Variants in SNRNP70 observed in about 807,000 individuals in gnomAD.
SNRNP70 encodes U1 small nuclear ribonucleoprotein 70 kDa.
Under a neutral mutation model 50.5 loss-of-function variants are expected in SNRNP70, and 8 were observed. The observed-to-expected ratio is 0.16, with a 90% CI of 0.09 to 0.29. SNRNP70 has a LOEUF of 0.29. Ranked by LOEUF, SNRNP70 falls within the 10% of genes least tolerant of loss-of-function variation. The pLI is 1.00. For synonymous variants in SNRNP70, 320 were observed against 252.9 expected (o/e 1.27, Z -2.52); for missense variants, 529 against 663.5 (o/e 0.80, Z 2.23).
chr19:49,102,298 C>G (rs372206904), intron 7 of SNRNP70: 1 of 545,972 alleles, frequency 1.8e-6, no homozygotes, highest in Non-Finnish European at 3.1e-6. Context: ...GTAGCCTCCC[C>G]GCACCCATGG....
chr19:49,104,722 G>A lies in SNRNP70; in HGVS notation c.564G>A (p.Arg188=), dbSNP rs1244722356. The A allele has an allele frequency of 1.9e-6, 3 of 1,548,614 alleles. No homozygotes were observed. The South Asian group carries it at 3.6e-5, about 19-fold the overall frequency. ...VERGRTVKGW[R]PRRLGGGLGG... is the part of the protein sequence containing the mutation. Reference sequence around the variant, plus strand: ...GGGGCCGAACCGTGAAGGGCTGGAGGCCCCGGCGGCTAGGTGAGCACATCC... The same window carrying A: ...GGGGCCGAACCGTGAAGGGCTGGAGACCCCGGCGGCTAGGTGAGCACATCC... Residue 188 remains arginine, a synonymous_variant, in exon 8 of 10, where the codon AGG becomes AGA. Transcript: ENST00000598441. This position sits in a 1 kb window ranked among gnomAD's most constrained non-coding sequence, Gnocchi z 5.4.
In SNRNP70 at chr19:49,108,204, C is replaced by CGGAGCG. The variant is rs2040705870; in HGVS notation, c.1076_1081dup (p.Ser360_Glu361insGlySer). ...TGACCGGGAGCGACGGCGGAGCCACCGGAGCGAGCGCGAGCGGCGCCGGGA... is the reference window on the plus strand; with the variant it reads ...TGACCGGGAGCGACGGCGGAGCCACCGGAGCGGGAGCGAGCGCGAGCGGCGCCGGGA... On this transcript the variant is annotated inframe_insertion, in exon 10 of 10. Coordinates refer to ENST00000598441, the MANE Select transcript of SNRNP70 (RefSeq NM_003089.6). 3 of 1,532,532 alleles carry CGGAGCG rather than the reference C, an allele frequency of 2.0e-6. No homozygotes were observed. The highest frequency in any genetic ancestry group is 1.8e-6 in the Non-Finnish European group (2 of 1,138,956). 94.9% of individuals were successfully genotyped at this position (1,532,532 alleles called of 1,614,324 possible).
rs533165606 is a variant in SNRNP70 at position 49,101,603 on chromosome 19, G to A, written c.475+132G>A. 9.4e-4 allele frequency: 592 copies of A among 626,626 alleles called. 5 individuals carry two copies. Among genetic ancestry groups the A allele is most frequent in the South Asian group, 9.4e-3 (522 of 55,490 alleles). 38.8% of individuals were successfully genotyped at this position (626,626 alleles called of 1,614,324 possible). A position where few individuals can be genotyped will look rare whatever the true frequency, so the allele number is the denominator to read the frequency against. On this transcript the variant is annotated intron_variant, in intron 7 of 9. Coordinates refer to ENST00000598441, the MANE Select transcript of SNRNP70 (RefSeq NM_003089.6). Reference sequence around the variant, plus strand: ...CGATGTCTCTTCTCCTCCTCCCTCTGTTTCTGATGTATCTTTTTTTTTTTT... The same window carrying A: ...CGATGTCTCTTCTCCTCCTCCCTCTATTTCTGATGTATCTTTTTTTTTTTT...
Position 49,105,382 on chromosome 19 carries a change from C to T in SNRNP70, c.577+647C>T, listed in dbSNP as rs141939309. ...AGAATCATGGGCATCCTTTGGAGTTCGGAGGTATGTGATGTCCGTGGACCT... is the reference window on the plus strand; with the variant it reads ...AGAATCATGGGCATCCTTTGGAGTTTGGAGGTATGTGATGTCCGTGGACCT... On this transcript the variant is annotated intron_variant, in intron 8 of 9. Transcript: ENST00000598441. 2.9e-3 allele frequency among the ~76,000 whole-genome samples: 442 copies of T among 152,130 alleles called. 4 individuals are homozygous for T. Among genetic ancestry groups the T allele is most frequent in the Middle Eastern group, 0.01 (3 of 294 alleles).
intron 7 of SNRNP70, chr19:49,103,409 C>T (rs1295921953): frequency 6.5e-6 from 1 of 152,678 alleles, no homozygotes; most frequent in African/African-American, 2.4e-5. Flanking sequence ...CTCCCTGTAG[C>T]TTTAGCTGAC....
chr19:49,107,122 G>A lies in SNRNP70; in HGVS notation c.578-503G>A, dbSNP rs969545380. 3.3e-5 allele frequency among the ~76,000 whole-genome samples: 5 copies of A among 152,214 alleles called. No homozygotes were observed. The highest frequency in any genetic ancestry group is 2.1e-4 in the South Asian group (1 of 4,836). ...CACAGACACTGGCAGGAAGGTGAGC[G>A]TGGGGACACTGGGAAAGGCCTGGGA... On this transcript the variant is annotated intron_variant, in intron 8 of 9. Coordinates refer to ENST00000598441, the MANE Select transcript of SNRNP70 (RefSeq NM_003089.6). The surrounding 1 kb of genome is among the most constrained non-coding windows in gnomAD (Gnocchi z 6.0).
chr19:49,101,671 CGTGT>C, intron 7 of SNRNP70, 200 bp downstream of exon 7: 3 of 566,434 alleles, frequency 5.3e-6, no homozygotes, highest in East Asian at 3.0e-5. Context: ...TCCCCCACAA[CGTGT>C]GTGTGTGTGT....
At chr19:49,098,590 G>A (rs2040542111) in intron 5 of SNRNP70, 52 bp from the exon 6 acceptor site, 3 of 1,588,894 alleles carry the variant, frequency 1.9e-6, no homozygotes, top group South Asian at 1.1e-5. Context: ...TGTTCCAGGG[G>A]CTGTGGGACA....
At chr19:49,105,967 G>A (rs1461859086) in intron 8 of SNRNP70, among the ~76,000 whole-genome samples, 2 of 152,188 alleles carry the variant, frequency 1.3e-5, no homozygotes, top group Non-Finnish European at 2.9e-5. Context: ...TGTTGCTCAG[G>A]CATGCTTATT....
At chr19:49,090,417 G>A (rs773019177) in intron 3 of SNRNP70, 49 bp from the exon 4 acceptor site, 1 of 1,612,978 alleles carries the variant, frequency 6.2e-7, no homozygotes, top group East Asian at 2.2e-5. Flanking sequence ...CTTGACACTA[G>A]GGCACTTCTA....
At chr19:49,090,590 A>G in intron 4 of SNRNP70, 70 bp downstream of exon 4, 1 of 1,456,810 alleles carries the variant, frequency 6.9e-7, no homozygotes, top group Non-Finnish European at 9.6e-7. Flanking sequence ...GGTCATACCC[A>G]GGACCCTGCT....
chr19:49,091,359 C>G (rs995061556), intron 4 of SNRNP70, among the ~76,000 whole-genome samples: 12 of 150,742 alleles, frequency 8.0e-5, no homozygotes, highest in Non-Finnish European at 1.8e-4. Context: ...GGGCAACAAG[C>G]AAAAATCTGT....
At chr19:49,088,478 C>T (rs1050333488) in intron 2 of SNRNP70, among the ~76,000 whole-genome samples, 6 of 142,034 alleles carry the variant, frequency 4.2e-5, no homozygotes, top group South Asian at 2.3e-4. Flanking sequence ...GGATTACAGA[C>T]GTGAGCCACC....
chr19:49,093,159 G>A (rs1600276172), intron 4 of SNRNP70, among the ~76,000 whole-genome samples: 1 of 151,968 alleles, frequency 6.6e-6, no homozygotes, highest in South Asian at 2.1e-4. Flanking sequence ...GTAGTGGTAC[G>A]ATCTAGGGTC....
intron 4 of SNRNP70, among the ~76,000 whole-genome samples, chr19:49,091,983 G>A (rs1177716684): frequency 6.6e-6 from 1 of 152,064 alleles, no homozygotes; most frequent in Non-Finnish European, 1.5e-5. Flanking sequence ...AGACCTATTT[G>A]TGTTATTTTC....
intron 4 of SNRNP70, among the ~76,000 whole-genome samples, chr19:49,097,544 G>A (rs79501876): frequency 0.012 from 1,761 of 152,254 alleles, 39 homozygotes; most frequent in African/African-American, 0.04. Flanking sequence ...ATGGGTTAAT[G>A]TTATTCCTTT....
At position 49,086,695 on chromosome 19, in the gene SNRNP70, C is replaced by A. The variant is rs1193090382; in HGVS notation, c.147+134C>A. On this transcript the variant is annotated intron_variant, in intron 2 of 9. Transcript: ENST00000598441. ...GCTTAACCTTTGTGATCCTCAGTTTCTCTGTTTTAAATGGGGTTGGAGCCG... is the reference window on the plus strand; with the variant it reads ...GCTTAACCTTTGTGATCCTCAGTTTATCTGTTTTAAATGGGGTTGGAGCCG... 3.5e-6 allele frequency: 3 copies of A among 845,630 alleles called. No homozygotes were observed. The African/African-American group carries it at 5.1e-5, about 14-fold the overall frequency. The allele number at this position is 845,630 out of a possible 1,614,324, so 52.4% of individuals were successfully genotyped here.
chr19:49,100,560 A>C (rs1420375895), intron 6 of SNRNP70, among the ~76,000 whole-genome samples: 5 of 151,922 alleles, frequency 3.3e-5, no homozygotes, highest in Non-Finnish European at 5.9e-5. Flanking sequence ...TAATCCCAGC[A>C]CTTTGGGAGG....
chr19:49,106,820 C>G (rs1468949089), intron 8 of SNRNP70, among the ~76,000 whole-genome samples: 2 of 152,166 alleles, frequency 1.3e-5, no homozygotes, highest in Non-Finnish European at 2.9e-5. Context: ...CACACACATC[C>G]ACCTTTCTAT....
Sources: gnomAD v4.1 joint callset for allele counts (sites outside exome capture counted in the v4.1 genomes callset) on GRCh38, gnomAD v4.1.1 for gene constraint, Gnocchi (gnomAD v3.1) non-coding constraint, MANE v1.5 for transcripts, NCBI Gene and HGNC (gene_info 2026-07-23, HGNC 2026-07-21) for gene names.